Variants in ERP44 observed in about 807,000 individuals in gnomAD.
ERP44 encodes endoplasmic reticulum resident protein 44.
In ERP44, 25 loss-of-function variants were observed where a neutral mutation model predicts 53.4. That is an observed-to-expected ratio of 0.47 (90% CI 0.34 to 0.65). The LOEUF is 0.65. Among genes scored for constraint, ERP44 ranks in the 30% least tolerant of loss-of-function variants. The probability of loss-of-function intolerance (pLI) is 0.01; values close to 1 mark genes in which losing one functional copy is unlikely to be tolerated. For missense variants in ERP44, 338 were observed against 493.2 expected (o/e 0.69, Z 2.98); for synonymous variants, 145 against 161.2 (o/e 0.90, Z 0.76).
chr9:100,045,223 A>C (rs1291204179), intron 4 of ERP44, among the ~76,000 whole-genome samples: 1 of 152,096 alleles, frequency 6.6e-6, no homozygotes, highest in African/African-American at 2.4e-5. Context: ...CCACTACTTC[A>C]CTTGAAAATT....
chr9:100,090,075 C>G (rs1302415961), intron 1 of ERP44, among the ~76,000 whole-genome samples: 1 of 152,140 alleles, frequency 6.6e-6, no homozygotes, highest in African/African-American at 2.4e-5. Flanking sequence ...AATATCCACT[C>G]CTACAGTAAA....
At position 100,098,799 on chromosome 9, in the gene ERP44, G is replaced by A. The variant is rs540191268; in HGVS notation, c.42C>T (p.Cys14=). The A allele has an allele frequency of 1.2e-5, 19 of 1,613,862 alleles. No homozygotes were observed. In the East Asian group the frequency reaches 4.0e-4, roughly 34 times the overall value. The change falls in exon 1 of 12, where the codon TGC becomes TGT. Residue 14 remains cysteine (C), a synonymous_variant. Coordinates refer to ENST00000262455, the MANE Select transcript of ERP44 (RefSeq NM_015051.3). ...AVFLSLPDLR[C]SLLLLVTWVF... is the part of the protein sequence containing the mutation. ...CCTCACTCACCAGGAGCAGAAGGGA[G>A]CATCTGAGGTCGGGTAAGGATAGGA... is the stretch of plus-strand genomic sequence containing the variant.
chr9:100,001,795 G>T (rs1191114171), intron 10 of ERP44, among the ~76,000 whole-genome samples: 2 of 152,116 alleles, frequency 1.3e-5, no homozygotes, highest in Non-Finnish European at 2.9e-5. Context: ...TTTGACTGGA[G>T]AATTTAAGAC....
chr9:100,073,754 A>C (rs1400608815), intron 1 of ERP44, among the ~76,000 whole-genome samples: 5 of 152,256 alleles, frequency 3.3e-5, no homozygotes. Flanking sequence ...TAAGAAGTTA[A>C]TATCCAAATG....
chr9:100,080,927 A>G (rs1001460337), intron 1 of ERP44, among the ~76,000 whole-genome samples: 2 of 152,166 alleles, frequency 1.3e-5, no homozygotes, highest in African/African-American at 4.8e-5. Context: ...AATTATAGTG[A>G]TTACCAATAT....
intron 1 of ERP44, among the ~76,000 whole-genome samples, chr9:100,062,625 G>T (rs903976628): frequency 6.6e-6 from 1 of 152,288 alleles, no homozygotes; most frequent in Non-Finnish European, 1.5e-5. Flanking sequence ...TCAAATCTGG[G>T]TAAGTGGTAT....
At chr9:100,098,728 C>A (rs1415760761) in intron 1 of ERP44, 56 bp downstream of exon 1, 2 of 1,447,570 alleles carry the variant, frequency 1.4e-6, no homozygotes, top group Non-Finnish European at 1.9e-6. Flanking sequence ...TCCCCCTGGG[C>A]GAGGGCCGGA....
intron 4 of ERP44, among the ~76,000 whole-genome samples, chr9:100,048,292 T>C (rs1326278151): frequency 6.6e-6 from 1 of 152,030 alleles, no homozygotes; most frequent in Non-Finnish European, 1.5e-5. Flanking sequence ...CTGCACGTTG[T>C]GCACATGTAC....
At chr9:99,990,649 A>G (rs1407910693) in intron 10 of ERP44, among the ~76,000 whole-genome samples, 1 of 152,236 alleles carries the variant, frequency 6.6e-6, no homozygotes, top group African/African-American at 2.4e-5. Flanking sequence ...GACAGGATCA[A>G]ATTCACACCT....
chr9:99,993,401 A>G (rs528373422), intron 10 of ERP44, among the ~76,000 whole-genome samples: 6 of 152,334 alleles, frequency 3.9e-5, no homozygotes, highest in Non-Finnish European at 8.8e-5. Flanking sequence ...GACAAACACA[A>G]GAAATGGGGA....
At chr9:100,089,432 T>C (rs938762656) in intron 1 of ERP44, among the ~76,000 whole-genome samples, 3 of 151,774 alleles carry the variant, frequency 2.0e-5, no homozygotes, top group African/African-American at 7.3e-5. Flanking sequence ...AATACAAAAA[T>C]TAGCTGGGTG....
intron 4 of ERP44, among the ~76,000 whole-genome samples, chr9:100,029,938 A>G (rs1431693762): frequency 1.3e-5 from 2 of 152,090 alleles, no homozygotes; most frequent in Non-Finnish European, 2.9e-5. Context: ...AAATACAAAA[A>G]TTAGCCGGGC....
chr9:100,033,480 T>C (rs1825816112), intron 4 of ERP44, among the ~76,000 whole-genome samples: 2 of 152,208 alleles, frequency 1.3e-5, no homozygotes, highest in Admixed American at 6.5e-5. Flanking sequence ...CTCAACTTTT[T>C]AAAAAAGTCT....
At chr9:99,982,776 TAAG>T in intron 11 of ERP44, 63 bp from the exon 12 acceptor site, 1 of 1,061,040 alleles carries the variant, frequency 9.4e-7, no homozygotes, top group South Asian at 1.6e-5. Flanking sequence ...AATATTTTAA[TAAG>T]TGTATTCGAT....
rs1001782090 is a variant in ERP44, at chr9:100,090,308, T to G, written c.57+8476A>C. On this transcript the variant is annotated intron_variant, in intron 1 of 11. Coordinates refer to ENST00000262455, the MANE Select transcript of ERP44 (RefSeq NM_015051.3). ...TAATAAGTCAAAGGAACTGAGGATGTGCAGGTTTCTTCTCTCAAGGTAACG... is the reference window on the plus strand; with the variant it reads ...TAATAAGTCAAAGGAACTGAGGATGGGCAGGTTTCTTCTCTCAAGGTAACG... Among the ~76,000 whole-genome samples the G allele has an allele frequency of 2.6e-5, 4 of 152,220 alleles. No homozygotes were observed. The East Asian group carries it at 7.7e-4, about 29-fold the overall frequency.
chr9:99,987,424 CTTT>C (rs1418901065), intron 10 of ERP44, among the ~76,000 whole-genome samples: 1 of 152,148 alleles, frequency 6.6e-6, no homozygotes, highest in Admixed American at 6.5e-5. Context: ...CCTCCAGTTA[CTTT>C]TTTGTTTATT....
intron 10 of ERP44, among the ~76,000 whole-genome samples, chr9:99,997,371 G>T (rs1830323304): frequency 6.6e-6 from 1 of 150,956 alleles, no homozygotes; most frequent in African/African-American, 2.5e-5. Flanking sequence ...GTTTTTATTT[G>T]CATTTCCCTG....
intron 8 of ERP44, among the ~76,000 whole-genome samples, chr9:100,015,448 C>G (rs1830517340): frequency 6.6e-6 from 1 of 152,146 alleles, no homozygotes; most frequent in Non-Finnish European, 1.5e-5. Flanking sequence ...TTCCTCCAGC[C>G]TCTTAGGTTT....
chr9:100,059,982 A>G (rs1301910321), intron 2 of ERP44, 118 bp downstream of exon 2: 1 of 839,648 alleles, frequency 1.2e-6, no homozygotes, highest in African/African-American at 1.8e-5. Context: ...ATTAATCAGA[A>G]TGCCAGCTCT....
Sources: allele counts gnomAD v4.1 joint callset (sites outside exome capture counted in the v4.1 genomes callset), GRCh38; gene constraint gnomAD v4.1.1; transcripts MANE v1.5; gene names NCBI Gene and HGNC (gene_info 2026-07-23, HGNC 2026-07-21).